Variants in ULK4 observed in about 807,000 individuals in gnomAD.
The protein encoded by ULK4 is unc-51 like kinase 4.
A neutral mutation model predicts 160.6 loss-of-function variants in ULK4; 133 were observed. The observed-to-expected ratio is 0.83, with a 90% CI of 0.72 to 0.96. ULK4 has a LOEUF of 0.96. Among genes scored for constraint, ULK4 ranks in the 40% least tolerant of loss-of-function variants. The pLI, the probability that ULK4 is intolerant of heterozygous loss-of-function variation, is 0.00. For synonymous variants in ULK4, 534 were observed against 539.8 expected, an observed-to-expected ratio of 0.99 and a Z score of 0.15; for missense variants, 1,580 against 1,499.5, an observed-to-expected ratio of 1.05 and a Z score of -0.89.
At chr3:41,422,320 A>T (rs1212424704) in intron 34 of ULK4, among the ~76,000 whole-genome samples, 3 of 152,168 alleles carry the variant, frequency 2.0e-5, no homozygotes, top group Non-Finnish European at 4.4e-5. Context: ...GCTACAGGCT[A>T]TAAATACTTG....
intron 21 of ULK4, among the ~76,000 whole-genome samples, chr3:41,782,667 T>C (rs2039886459): frequency 6.6e-6 from 1 of 152,172 alleles, no homozygotes; most frequent in East Asian, 1.9e-4. Flanking sequence ...CTATAGCTAT[T>C]TGCAAGTACA....
Position 41,710,322 on chromosome 3 carries a change from G to A in ULK4, c.2634+4915C>T, listed in dbSNP as rs1053707566. Among the ~76,000 whole-genome samples the A allele has an allele frequency of 3.3e-5, 5 of 152,078 alleles. No homozygotes were observed. In the East Asian group the frequency reaches 7.7e-4, roughly 23 times the overall value. The stretch of plus-strand genomic sequence containing the variant: ...TAATAGGGAGTAATGAGGTGAGAGT[G>A]AGGACGGGGTAGTAGGCATTGGAGA... On this transcript the variant is annotated intron_variant, in intron 25 of 36. Coordinates refer to ENST00000301831, the MANE Select transcript of ULK4 (RefSeq NM_017886.4).
intron 19 of ULK4, among the ~76,000 whole-genome samples, chr3:41,801,147 T>C (rs1043829672): frequency 2.6e-5 from 4 of 152,028 alleles, no homozygotes; most frequent in Non-Finnish European, 5.9e-5. Flanking sequence ...AAACAAAAGA[T>C]ATAAAAATGA....
At chr3:41,664,775 T>C (rs1216784233) in intron 29 of ULK4, among the ~76,000 whole-genome samples, 1 of 152,196 alleles carries the variant, frequency 6.6e-6, no homozygotes, top group East Asian at 1.9e-4. Flanking sequence ...TCAGGCCTGC[T>C]ATGTTAACTC....
intron 30 of ULK4, among the ~76,000 whole-genome samples, chr3:41,619,740 TAGG>T (rs2033151008): frequency 6.6e-6 from 1 of 151,796 alleles, no homozygotes; most frequent in South Asian, 2.1e-4. Flanking sequence ...ATTCAAAAGC[TAGG>T]AGATGACAAG....
intron 32 of ULK4, among the ~76,000 whole-genome samples, chr3:41,514,737 T>C (rs1410099042): frequency 6.6e-6 from 1 of 151,860 alleles, no homozygotes; most frequent in Non-Finnish European, 1.5e-5. Context: ...TGTGTTCATG[T>C]GGACGTAGAG....
At chr3:41,397,998 G>C in intron 35 of ULK4, 81 bp downstream of exon 35, 1 of 1,456,964 alleles carries the variant, frequency 6.9e-7, no homozygotes, top group Non-Finnish European at 9.3e-7. Context: ...TTTGAAATTA[G>C]GTCCAAGAAA....
intron 30 of ULK4, among the ~76,000 whole-genome samples, chr3:41,632,901 T>C (rs2033805045): frequency 6.6e-6 from 1 of 152,080 alleles, no homozygotes; most frequent in Non-Finnish European, 1.5e-5. Flanking sequence ...AGGTACAGCC[T>C]GAGGTTCAGC....
chr3:41,423,153 G>C (rs1054224017), intron 34 of ULK4, among the ~76,000 whole-genome samples: 3 of 152,138 alleles, frequency 2.0e-5, no homozygotes, highest in African/African-American at 7.2e-5. Context: ...AAATCACTGA[G>C]ATAAGTGCTT....
chr3:41,851,820 C>T (rs2042222428), intron 17 of ULK4, among the ~76,000 whole-genome samples: 1 of 152,084 alleles, frequency 6.6e-6, no homozygotes, highest in African/African-American at 2.4e-5. Context: ...GACACCCTAA[C>T]ATCACAATTA....
chr3:41,565,213 G>T (rs62256902), intron 32 of ULK4, among the ~76,000 whole-genome samples: 1 of 152,164 alleles, frequency 6.6e-6, no homozygotes, highest in Non-Finnish European at 1.5e-5. Context: ...ACAGATTGCC[G>T]TAGTTACGTA....
intron 32 of ULK4, among the ~76,000 whole-genome samples, chr3:41,546,226 T>C (rs1575392560): frequency 6.6e-6 from 1 of 152,162 alleles, no homozygotes; most frequent in Non-Finnish European, 1.5e-5. Flanking sequence ...TTTTTAGTGC[T>C]ACTGATTTTT....
chr3:41,848,662 T>C (rs2042128509), intron 17 of ULK4, among the ~76,000 whole-genome samples: 1 of 152,188 alleles, frequency 6.6e-6, no homozygotes. Flanking sequence ...ACAGCTGACG[T>C]TCACTTTTTC....
At chr3:41,932,722 A>G (rs978292246) in intron 4 of ULK4, among the ~76,000 whole-genome samples, 11 of 152,164 alleles carry the variant, frequency 7.2e-5, no homozygotes, top group Non-Finnish European at 4.4e-5. Context: ...ACATAGGTAC[A>G]ATGGGTCAGG....
intron 32 of ULK4, among the ~76,000 whole-genome samples, chr3:41,517,588 G>A (rs547752945): frequency 1.2e-3 from 176 of 152,174 alleles, no homozygotes; most frequent in Non-Finnish European, 2.0e-3. Context: ...ACTGTCTTTC[G>A]GCTATTTTGT....
chr3:41,707,351 G>C (rs1575591309), intron 25 of ULK4, among the ~76,000 whole-genome samples: 1 of 151,956 alleles, frequency 6.6e-6, no homozygotes, highest in African/African-American at 2.4e-5. Flanking sequence ...AGCAACAAAA[G>C]CAAAAGTAGA....
At chr3:41,298,348 A>G (rs906688030) in intron 35 of ULK4, among the ~76,000 whole-genome samples, 3 of 152,230 alleles carry the variant, frequency 2.0e-5, no homozygotes, top group Admixed American at 1.3e-4. Context: ...TAAAGAGTTT[A>G]GGGATCACTA....
At chr3:41,867,094 A>T (rs1696914850) in intron 17 of ULK4, among the ~76,000 whole-genome samples, 1 of 152,180 alleles carries the variant, frequency 6.6e-6, no homozygotes, top group Non-Finnish European at 1.5e-5. Context: ...GGAACACAGG[A>T]CATCAATTTT....
At chr3:41,548,238 C>T (rs2086933776) in intron 32 of ULK4, among the ~76,000 whole-genome samples, 1 of 152,136 alleles carries the variant, frequency 6.6e-6, no homozygotes. Flanking sequence ...TAGGTGTCCA[C>T]ACACATCTCC....
Sources: gnomAD v4.1 joint callset for allele counts (sites outside exome capture counted in the v4.1 genomes callset) on GRCh38, gnomAD v4.1.1 for gene constraint, MANE v1.5 for transcripts, NCBI Gene and HGNC (gene_info 2026-07-23, HGNC 2026-07-21) for gene names.